The following DCTN6 variants were observed in gnomAD, a reference collection of about 807,000 sequenced individuals.
DCTN6 encodes the protein dynactin 6.
Under a neutral mutation model 25.8 loss-of-function variants are expected in DCTN6, and 15 were observed. The observed-to-expected ratio is 0.58, with a 90% CI of 0.39 to 0.89. The LOEUF is 0.89. DCTN6 is among the 40% of genes least tolerant of loss of function. The pLI, the probability that DCTN6 is intolerant of heterozygous loss-of-function variation, is 0.00. For synonymous variants in DCTN6, 64 were observed against 78.3 expected (o/e 0.82, Z 0.96); for missense variants, 198 against 237.6 (o/e 0.83, Z 1.09).
At chr8:30,178,404 G>A (rs1348231669) in intron 4 of DCTN6, among the ~76,000 whole-genome samples, 3 of 151,052 alleles carry the variant, frequency 2.0e-5, no homozygotes, top group South Asian at 2.1e-4. Flanking sequence ...CGGAGATTGC[G>A]GTGAGCTGAG....
Position 30,180,764 on chromosome 8 carries a change from A to G in DCTN6, c.474+134A>G. The G allele has an allele frequency of 2.7e-6, 3 of 1,124,596 alleles. No individual in the cohort carries two copies. The South Asian group carries it at 5.4e-5, about 20-fold the overall frequency. The allele number at this position is 1,124,596 out of a possible 1,614,324, so 69.7% of individuals were successfully genotyped here. A position where few individuals can be genotyped will look rare whatever the true frequency, so the allele number is the denominator to read the frequency against. ...AAAACAAAAGATGCCAGTCTCAGTG[A>G]CTCGTGCCTGGAATTCTAGCACTTT... On this transcript the variant is annotated intron_variant, in intron 6 of 6. Coordinates refer to ENST00000221114, the MANE Select transcript of DCTN6 (RefSeq NM_006571.4).
At chr8:30,179,336 G>A (rs1363601833) in intron 4 of DCTN6, 72 bp from the exon 5 acceptor site, 1 of 1,307,440 alleles carries the variant, frequency 7.6e-7, no homozygotes, top group Non-Finnish European at 1.1e-6. Flanking sequence ...CCAGTGCAAT[G>A]TAAGTACATA....
At chr8:30,178,434 G>C (rs1296881576) in intron 4 of DCTN6, among the ~76,000 whole-genome samples, 3 of 142,990 alleles carry the variant, frequency 2.1e-5, no homozygotes, top group Admixed American at 7.4e-5. Flanking sequence ...TTGCACCCCA[G>C]CCTGGGCAAT....
chr8:30,176,211 G>A (rs1230569839), intron 3 of DCTN6, among the ~76,000 whole-genome samples: 1 of 152,192 alleles, frequency 6.6e-6, no homozygotes, highest in African/African-American at 2.4e-5. Flanking sequence ...TTGTCCTGGA[G>A]AAGACCCACT....
At chr8:30,159,886 C>G (rs1170684516) in intron 1 of DCTN6, among the ~76,000 whole-genome samples, 1 of 152,048 alleles carries the variant, frequency 6.6e-6, no homozygotes, top group Non-Finnish European at 1.5e-5. Flanking sequence ...CTCAGCCCCC[C>G]AAGTAGCTGG....
intron 2 of DCTN6, among the ~76,000 whole-genome samples, chr8:30,174,527 G>A (rs1803805582): frequency 6.6e-6 from 1 of 151,888 alleles, no homozygotes; most frequent in Admixed American, 6.6e-5. Context: ...GTACAGATGG[G>A]GTTTCGCCAT....
chr8:30,173,869 C>T (rs973322160), intron 2 of DCTN6, among the ~76,000 whole-genome samples: 1 of 151,918 alleles, frequency 6.6e-6, no homozygotes, highest in South Asian at 2.1e-4. Context: ...CACTTGTTTA[C>T]CCATAAAAAT....
At chr8:30,178,702 A>G (rs1803876655) in intron 4 of DCTN6, among the ~76,000 whole-genome samples, 1 of 152,110 alleles carries the variant, frequency 6.6e-6, no homozygotes, top group African/African-American at 2.4e-5. Flanking sequence ...TCTGTCACCC[A>G]GGCTGGCATT....
intron 2 of DCTN6, among the ~76,000 whole-genome samples, chr8:30,168,394 T>C (rs1353866540): frequency 1.3e-5 from 2 of 152,320 alleles, no homozygotes; most frequent in Non-Finnish European, 2.9e-5. Context: ...ATTAAAAAGC[T>C]CCTGGGAGAT....
At chr8:30,172,728 C>T (rs1367793017) in intron 2 of DCTN6, among the ~76,000 whole-genome samples, 8 of 152,174 alleles carry the variant, frequency 5.3e-5, no homozygotes, top group African/African-American at 1.7e-4. Context: ...GCTGGGATTA[C>T]AGGCATGAGC....
chr8:30,171,181 C>G (rs1370502279), intron 2 of DCTN6, among the ~76,000 whole-genome samples: 1 of 152,084 alleles, frequency 6.6e-6, no homozygotes, highest in Non-Finnish European at 1.5e-5. Flanking sequence ...TCTAGTGTCT[C>G]TGGCTACTTA....
intron 1 of DCTN6, among the ~76,000 whole-genome samples, chr8:30,163,717 C>A: frequency 8.3e-6 from 1 of 120,312 alleles, no homozygotes; most frequent in South Asian, 2.6e-4. Flanking sequence ...TTTTTTTTTT[C>A]CTGAGACAGA....
chr8:30,175,233 CG>C (rs774931255), intron 3 of DCTN6, 43 bp downstream of exon 3: 1 of 1,551,312 alleles, frequency 6.4e-7, no homozygotes, highest in East Asian at 2.3e-5. Context: ...CCATGGGTAA[CG>C]GTTTTTCTTA....
At chr8:30,159,893 C>T (rs1196331822) in intron 1 of DCTN6, among the ~76,000 whole-genome samples, 1 of 152,014 alleles carries the variant, frequency 6.6e-6, no homozygotes, top group Non-Finnish European at 1.5e-5. Flanking sequence ...CCCCAAGTAG[C>T]TGGGAGTACA....
At chr8:30,162,990 A>G (rs1334384924) in intron 1 of DCTN6, among the ~76,000 whole-genome samples, 3 of 58,736 alleles carry the variant, frequency 5.1e-5, no homozygotes, top group South Asian at 7.3e-4. Flanking sequence ...AGATCATTCC[A>G]TATTTTTTTT....
At position 30,183,137 on chromosome 8, in the gene DCTN6, G is replaced by T. The variant is rs746955589; in HGVS notation, c.537G>T (p.Lys179Asn). 1 of 1,614,038 alleles carries T rather than the reference G, an allele frequency of 6.2e-7. No individual in the cohort carries two copies. Among genetic ancestry groups the T allele is most frequent in the Non-Finnish European group, 8.5e-7 (1 of 1,179,974 alleles). Reference protein sequence around the residue: ...KILPNYHHLKKTMKGSSTPVK... With the variant: ...KILPNYHHLKNTMKGSSTPVK... ...TGCCAAATTACCACCACCTAAAGAA[G>T]ACTATGAAAGGAAGCTCAACTCCAG... The change falls in exon 7 of 7, where the codon AAG (lysine) becomes AAT (asparagine). Residue 179 changes from lysine (K) to asparagine (N), a missense_variant. Physicochemically the swap from Lys to Asn is moderately conservative, Grantham distance 94. Coordinates refer to ENST00000221114, the MANE Select transcript of DCTN6 (RefSeq NM_006571.4).
At chr8:30,180,341 T>C (rs1803894937) in intron 5 of DCTN6, 147 bp from the exon 6 acceptor site, 6 of 935,516 alleles carry the variant, frequency 6.4e-6, no homozygotes, top group Non-Finnish European at 9.4e-6. Context: ...GCCTCTGTGT[T>C]GTCCATACAA....
intron 2 of DCTN6, among the ~76,000 whole-genome samples, chr8:30,168,906 T>G (rs552944895): frequency 3.0e-4 from 45 of 152,346 alleles, no homozygotes; most frequent in Admixed American, 5.9e-4. Flanking sequence ...CTATTTTTAG[T>G]TAGTCTGCCT....
intron 2 of DCTN6, among the ~76,000 whole-genome samples, chr8:30,166,341 G>A (rs371404343): frequency 8.9e-5 from 13 of 146,034 alleles, no homozygotes; most frequent in Middle Eastern, 3.5e-3. Context: ...TTGAGACAGG[G>A]TCTCGCTATT....
Sources: gnomAD v4.1 joint callset for allele counts (sites outside exome capture counted in the v4.1 genomes callset) on GRCh38, gnomAD v4.1.1 for gene constraint, MANE v1.5 for transcripts, NCBI Gene and HGNC (gene_info 2026-07-23, HGNC 2026-07-21) for gene names.